ROCK2: variants seen among roughly 807,000 people sequenced by gnomAD.
The protein encoded by ROCK2 is Rho associated coiled-coil containing protein kinase 2, also known as rho-associated protein kinase 2.
A neutral mutation model predicts 195.1 loss-of-function variants in ROCK2; 61 were observed. The observed-to-expected ratio is 0.31, with a 90% CI of 0.25 to 0.39. The LOEUF is 0.39. Ranked by LOEUF, ROCK2 falls within the 10% of genes least tolerant of loss-of-function variation. The pLI, the probability that ROCK2 is intolerant of heterozygous loss-of-function variation, is 1.00. For missense variants in ROCK2, 1,109 were observed against 1,637.4 expected (o/e 0.68, Z 5.57); for synonymous variants, 504 against 545.5 (o/e 0.92, Z 1.06).
chr2:11,285,000 C>T (rs796279343), intron 3 of ROCK2, among the ~76,000 whole-genome samples: 3 of 152,284 alleles, frequency 2.0e-5, no homozygotes, highest in African/African-American at 2.4e-5. Context: ...CAGTGGCTCA[C>T]GCCTGTAATC....
rs149109878 is a variant in ROCK2, at chr2:11,221,471, C to A, written c.1100-114G>T. On this transcript the variant is annotated intron_variant, in intron 8 of 32. Transcript: ENST00000315872. ...ATAACACTATATAAATTTGTAGCAG[C>A]GCATTTGCCATTTTATCGATTCACA... 9.0e-4 allele frequency: 628 copies of A among 697,684 alleles called. 2 individuals are homozygous for A. The African/African-American group carries it at 9.7e-3, about 11-fold the overall frequency. 43.2% of individuals were successfully genotyped at this position (697,684 alleles called of 1,614,324 possible).
chr2:11,325,497 A>C (rs1032611580), intron 1 of ROCK2, among the ~76,000 whole-genome samples: 2 of 152,172 alleles, frequency 1.3e-5, no homozygotes, highest in Admixed American at 6.5e-5. Flanking sequence ...AGGTTTTTTT[A>C]ATAACTTGAA....
Position 11,217,139 on chromosome 2 carries a change from G to T in ROCK2, c.1363C>A (p.His455Asn), listed in dbSNP as rs1664461766. 1 of 1,573,324 alleles carries T rather than the reference G, an allele frequency of 6.4e-7. No homozygotes were observed. The highest frequency in any genetic ancestry group is 8.7e-7 in the Non-Finnish European group (1 of 1,143,410). The change falls in exon 12 of 33, where the codon CAT (histidine) becomes AAT (asparagine). Residue 455 changes from histidine to asparagine, a missense_variant. This residue lies in a region of ROCK2 where 542 missense variants were observed against 672.0 expected (regional missense o/e 0.81). Coordinates refer to ENST00000315872, the MANE Select transcript of ROCK2 (RefSeq NM_004850.5). ...IQKKLYTLEEHLSNEMQAKEE... is the reference protein window; with the variant it reads ...IQKKLYTLEENLSNEMQAKEE... ...TTGGCTTGCATCTCATTGCTAAGAT[G>T]TTCTTCTAATGTATACAGTTTTTTC...
chr2:11,224,977 C>T (rs1215920994), intron 6 of ROCK2, among the ~76,000 whole-genome samples: 1 of 152,068 alleles, frequency 6.6e-6, no homozygotes, highest in Non-Finnish European at 1.5e-5. Context: ...ATGTTGTAAC[C>T]AATGGTCACC....
In ROCK2 at chr2:11,324,174, C is replaced by T. The variant is rs545077162; in HGVS notation, c.141+19822G>A. 1.5e-3 allele frequency among the ~76,000 whole-genome samples: 231 copies of T among 152,308 alleles called. 1 individual carries two copies. Among genetic ancestry groups the T allele is most frequent in the African/African-American group, 5.3e-3 (219 of 41,562 alleles). ...ATGTTCAGCCGGGCACGGTGGCTCA[C>T]GCCTGTAATCCCAGCACTTTGGGAC... On this transcript the variant is annotated intron_variant, in intron 1 of 32. Transcript: ENST00000315872.
chr2:11,276,657 G>A (rs1032303379), intron 3 of ROCK2, among the ~76,000 whole-genome samples: 1 of 152,076 alleles, frequency 6.6e-6, no homozygotes, highest in Admixed American at 6.5e-5. Context: ...AGAAATAGAG[G>A]AAATAAGTGA....
Position 11,343,987 on chromosome 2 carries a change from G to A in ROCK2, c.141+9C>T, listed in dbSNP as rs1190920649. 2.5e-6 allele frequency: 4 copies of A among 1,586,152 alleles called. No individual in the cohort carries two copies. Among genetic ancestry groups the A allele is most frequent in the Non-Finnish European group, 3.4e-6 (4 of 1,167,662 alleles). On this transcript the variant is annotated intron_variant, in intron 1 of 32. Transcript: ENST00000315872. ...GCAACGAGCAAGCTCCCAGGCCCCG[G>A]CCACCTACCAGCAAGCTCTCCACGT...
At position 11,343,996 on chromosome 2, in the gene ROCK2, C is replaced by T; in HGVS notation, c.141G>A (p.Leu47=). ...AAGCTCCCAGGCCCCGGCCACCTAC[C>T]AGCAAGCTCTCCACGTTGATGGGGG... ...PRSPINVESL[L]DGLNSLVLDL... The change falls in exon 1 of 33, where the codon CTG becomes CTA. Residue 47 remains leucine, a splice_region_variant and synonymous_variant. Coordinates refer to ENST00000315872, the MANE Select transcript of ROCK2 (RefSeq NM_004850.5). The T allele has an allele frequency of 6.3e-7, 1 of 1,587,542 alleles. No individual in the cohort carries two copies.
chr2:11,260,414 C>T (rs1047954229), intron 3 of ROCK2, among the ~76,000 whole-genome samples: 31 of 146,692 alleles, frequency 2.1e-4, no homozygotes, highest in Non-Finnish European at 1.3e-4. Context: ...CACCATTGCA[C>T]TCCAGCCTGG....
At chr2:11,218,751 T>C (rs1664518930) in intron 10 of ROCK2, among the ~76,000 whole-genome samples, 1 of 152,216 alleles carries the variant, frequency 6.6e-6, no homozygotes, top group Non-Finnish European at 1.5e-5. Flanking sequence ...CCTAAAGCCA[T>C]GTAGAAGTCC....
At chr2:11,202,225 T>TGGAAGAA in intron 20 of ROCK2, 104 bp from the exon 21 acceptor site, 1 of 871,698 alleles carries the variant, frequency 1.1e-6, no homozygotes, top group Non-Finnish European at 1.9e-6. Flanking sequence ...CTGAGGTTCT[T>TGGAAGAA]CCACAGAACC....
intron 4 of ROCK2, among the ~76,000 whole-genome samples, chr2:11,248,704 ATC>A (rs1460724646): frequency 1.0e-5 from 1 of 98,696 alleles, no homozygotes; most frequent in African/African-American, 3.8e-5. Flanking sequence ...GCAAGACTTC[ATC>A]TCAAAAAAAA....
rs557426919 is a variant in ROCK2 at position 11,308,682 on chromosome 2, A to G, written c.142-20946T>C. ...AAAGAAGATACATATGTTCATTTTA[A>G]TGTGGACATTGAGCTCCAGAAGCAT... On this transcript the variant is annotated intron_variant, in intron 1 of 32. Coordinates refer to ENST00000315872, the MANE Select transcript of ROCK2 (RefSeq NM_004850.5). 61 of 1,515,766 alleles carry G rather than the reference A, an allele frequency of 4.0e-5. No individual in the cohort carries two copies. In the East Asian group the frequency reaches 1.0e-3, roughly 25 times the overall value. The allele number at this position is 1,515,766 out of a possible 1,614,324, so 93.9% of individuals were successfully genotyped here.
chr2:11,343,460 T>C (rs935531780), intron 1 of ROCK2, among the ~76,000 whole-genome samples: 15 of 152,174 alleles, frequency 9.9e-5, no homozygotes, highest in Admixed American at 3.9e-4. Context: ...ATGCACTAAA[T>C]AGCAAGTATG....
At chr2:11,302,193 C>A (rs1448081173) in intron 1 of ROCK2, among the ~76,000 whole-genome samples, 1 of 152,166 alleles carries the variant, frequency 6.6e-6, no homozygotes, top group East Asian at 1.9e-4. Flanking sequence ...TGTTTCCCTG[C>A]CTCTAATCTC....
In ROCK2 at chr2:11,243,998, C is replaced by T. The variant is rs563269784; in HGVS notation, c.462+5663G>A. ...AATTATAGTACGTGGCAATACCTAG[C>T]TGTGTGAAAGGACATTTTCACAGAT... On this transcript the variant is annotated intron_variant, in intron 4 of 32. Coordinates refer to ENST00000315872, the MANE Select transcript of ROCK2 (RefSeq NM_004850.5). 2.3e-4 allele frequency among the ~76,000 whole-genome samples: 35 copies of T among 152,242 alleles called. No individual in the cohort carries two copies. In the East Asian group the frequency reaches 6.2e-3, roughly 27 times the overall value.
At chr2:11,282,607 C>CAAAAAAAAAAAAAAAA (rs70953381) in intron 3 of ROCK2, among the ~76,000 whole-genome samples, 94 of 123,310 alleles carry the variant, frequency 7.6e-4, no homozygotes, top group Non-Finnish European at 1.1e-3. Context: ...TATCTACATG[C>CAAAAAAAAAAAAAAAA]AAAAAAAAAA....
chr2:11,335,276 T>C (rs1379697364), intron 1 of ROCK2, among the ~76,000 whole-genome samples: 2 of 152,016 alleles, frequency 1.3e-5, no homozygotes, highest in East Asian at 1.9e-4. Flanking sequence ...AGAATATCTA[T>C]ATAATTTAAT....
chr2:11,208,329 T>C lies in ROCK2; in HGVS notation c.2322A>G (p.Lys774=), dbSNP rs776680153. The change falls in exon 19 of 33, where the codon AAA becomes AAG. Residue 774 remains lysine (K), a synonymous_variant. Coordinates refer to ENST00000315872, the MANE Select transcript of ROCK2 (RefSeq NM_004850.5). ...LDCDLKQSQQ[K]INELLKQKDV... ...CTTTCTGTTTAAGGAGCTCATTTAT[T>C]TTCTGCTGTGACTGTTTGAGGTCAC... 3 of 1,503,870 alleles carry C rather than the reference T, an allele frequency of 2.0e-6. No homozygotes were observed. The highest frequency in any genetic ancestry group is 2.7e-6 in the Non-Finnish European group (3 of 1,113,626). 93.2% of individuals were successfully genotyped at this position (1,503,870 alleles called of 1,614,324 possible).
Sources: gnomAD v4.1 joint callset for allele counts (sites outside exome capture counted in the v4.1 genomes callset) on GRCh38, gnomAD v4.1.1 for gene constraint, gnomAD v4.1.1 regional missense constraint, MANE v1.5 for transcripts, NCBI Gene and HGNC (gene_info 2026-07-23, HGNC 2026-07-21) for gene names.